ERAL1: variants seen among roughly 807,000 people sequenced by gnomAD.
ERAL1 encodes the protein GTPase Era, mitochondrial.
In ERAL1, 36 loss-of-function variants were observed where a neutral mutation model predicts 53.6. The ratio of observed to expected loss-of-function variants is 0.67; its 90% CI spans 0.51 to 0.89. ERAL1 has a LOEUF of 0.89. ERAL1 is among the 40% of genes least tolerant of loss of function. ERAL1 has a pLI of 0.00. For missense variants in ERAL1, 512 were observed against 537.5 expected (o/e 0.95, Z 0.47); for synonymous variants, 215 against 211.8 (o/e 1.02, Z -0.13).
Position 28,859,079 on chromosome 17 carries a change from A to G in ERAL1, c.1076A>G (p.His359Arg), listed in dbSNP as rs758642332. 6 of 1,614,132 alleles carry G rather than the reference A, an allele frequency of 3.7e-6. No individual in the cohort carries two copies. Among genetic ancestry groups the G allele is most frequent in the Non-Finnish European group, 4.2e-6 (5 of 1,180,026 alleles). The change falls in exon 8 of 10, where the codon CAC becomes CGC. Residue 359 changes from histidine to arginine, a missense_variant. Coordinates refer to ENST00000254928, the MANE Select transcript of ERAL1 (RefSeq NM_005702.4). Reference sequence around the variant, plus strand: ...ATTATCCGAGAGAAGCTCCTAGAACACCTGCCCCAGGAGGTGCCTTACAAT... The same window carrying G: ...ATTATCCGAGAGAAGCTCCTAGAACGCCTGCCCCAGGAGGTGCCTTACAAT... Reference protein sequence around the residue: ...ANIIREKLLEHLPQEVPYNVQ... With the variant: ...ANIIREKLLERLPQEVPYNVQ...
At position 28,860,537 on chromosome 17, in the gene ERAL1, T is replaced by C; in HGVS notation, c.1298T>C (p.Val433Ala). 6.2e-7 allele frequency: 1 copy of C among 1,602,470 alleles called. No individual in the cohort carries two copies. Among genetic ancestry groups the C allele is most frequent in the Non-Finnish European group, 8.5e-7 (1 of 1,175,306 alleles). ...FLCDVDIRLS[V>A]KLLK Reference sequence around the variant, plus strand: ...TGCGATGTTGACATCCGCCTCTCTGTGAAGCTCCTCAAGTGACCACCCTCT... The same window carrying C: ...TGCGATGTTGACATCCGCCTCTCTGCGAAGCTCCTCAAGTGACCACCCTCT... Residue 433 changes from valine to alanine, a missense_variant, in exon 10 of 10, where the codon GTG becomes GCG. Val to Ala is a moderately conservative substitution (Grantham distance 64). Coordinates refer to ENST00000254928, the MANE Select transcript of ERAL1 (RefSeq NM_005702.4).
At chr17:28,857,576 G>C (rs952176146) in intron 3 of ERAL1, among the ~76,000 whole-genome samples, 9 of 151,582 alleles carry the variant, frequency 5.9e-5, no homozygotes, top group South Asian at 4.2e-4. Context: ...GATCACTTGA[G>C]ATCAGGAGTT....
At chr17:28,857,604 A>G (rs1475680738) in intron 3 of ERAL1, among the ~76,000 whole-genome samples, 1 of 151,484 alleles carries the variant, frequency 6.6e-6, no homozygotes, top group African/African-American at 2.4e-5. Context: ...AGCCTGGCCA[A>G]CATGGTGAAA....
intron 2 of ERAL1, 31 bp from the exon 3 acceptor site, chr17:28,856,474 G>T: frequency 6.2e-7 from 1 of 1,613,608 alleles, no homozygotes; most frequent in Non-Finnish European, 8.5e-7. Context: ...AGGGATCTGG[G>T]ACCTCACTGA....
In ERAL1 at chr17:28,858,824, G is replaced by C. The variant is rs553726243; in HGVS notation, c.960G>C (p.Lys320Asn). ...ALSQEDVKTL[K>N]QYLLTQAQPG... Reference sequence around the variant, plus strand: ...GCCAGGAGGACGTGAAAACACTAAAGGTCAGTTAGTCTTGGCCATAGCCTG... The same window carrying C: ...GCCAGGAGGACGTGAAAACACTAAACGTCAGTTAGTCTTGGCCATAGCCTG... The change falls in exon 7 of 10, where the codon AAG becomes AAC. Residue 320 changes from lysine to asparagine, a missense_variant and splice_region_variant. Lys to Asn is a moderately conservative substitution (Grantham distance 94). Transcript: ENST00000254928. The C allele has an allele frequency of 2.4e-5, 38 of 1,614,012 alleles. No homozygotes were observed. The highest frequency in any genetic ancestry group is 3.2e-5 in the Non-Finnish European group (38 of 1,180,010).
chr17:28,860,313 C>T (rs1017759244), intron 9 of ERAL1, 118 bp from the exon 10 acceptor site: 5 of 1,232,778 alleles, frequency 4.1e-6, no homozygotes, highest in South Asian at 4.0e-5. Flanking sequence ...CGCACTGTTA[C>T]CCAGGCTGGA....
Position 28,857,986 on chromosome 17 carries a change from G to A in ERAL1, c.536+1G>A. ...TTATCAGTCCTGGTAAACAGAAGAG[G>A]TAATGGTGGTGGAATTGGGGTGGAT... On this transcript the variant is annotated splice_donor_variant, in intron 4 of 9. Coordinates refer to ENST00000254928, the MANE Select transcript of ERAL1 (RefSeq NM_005702.4). LOFTEE classifies it high-confidence loss of function. 1 of 1,614,102 alleles carries A rather than the reference G, an allele frequency of 6.2e-7. No homozygotes were observed. The highest frequency in any genetic ancestry group is 8.5e-7 in the Non-Finnish European group (1 of 1,180,012).
At chr17:28,856,125 T>C in intron 1 of ERAL1, 139 bp from the exon 2 acceptor site, 1 of 898,144 alleles carries the variant, frequency 1.1e-6, no homozygotes, top group Non-Finnish European at 1.7e-6. Context: ...AGGGCCAAAG[T>C]CTCAAAGTCA....
chr17:28,855,256 C>T lies in ERAL1; in HGVS notation c.222C>T (p.Leu74=), dbSNP rs745680437. 2.5e-6 allele frequency: 4 copies of T among 1,612,882 alleles called. No individual in the cohort carries two copies. Among genetic ancestry groups the T allele is most frequent in the African/African-American group, 1.3e-5 (1 of 75,006 alleles). Residue 74 remains leucine, a synonymous_variant, in exon 1 of 10, where the codon CTC becomes CTT. Transcript: ENST00000254928. Reference sequence around the variant, plus strand: ...AGGGCTCTGCCCTGGACCACTTCCTCGGATTCTCTCAGCCCGACAGTTCGG... The same window carrying T: ...AGGGCTCTGCCCTGGACCACTTCCTTGGATTCTCTCAGCCCGACAGTTCGG... The part of the protein sequence containing the change: ...NGQGSALDHF[L]GFSQPDSSVT...
At chr17:28,856,068 G>A (rs980681646) in intron 1 of ERAL1, among the ~76,000 whole-genome samples, 196 bp from the exon 2 acceptor site, 2 of 152,130 alleles carry the variant, frequency 1.3e-5, no homozygotes, top group Non-Finnish European at 2.9e-5. Context: ...TTACATATGA[G>A]AAAACTAAAG....
intron 1 of ERAL1, among the ~76,000 whole-genome samples, chr17:28,855,794 GAAA>G (rs34299509): frequency 2.8e-5 from 4 of 141,066 alleles, no homozygotes; most frequent in Non-Finnish European, 4.6e-5. Flanking sequence ...CCTCCTTCAG[GAAA>G]AAAAAAAAAA....
intron 9 of ERAL1, among the ~76,000 whole-genome samples, chr17:28,859,827 TA>T (rs1053810326): frequency 1.8e-4 from 27 of 151,770 alleles, no homozygotes; most frequent in Non-Finnish European, 3.5e-4. Context: ...TCCGCTAATT[TA>T]AAAAAATTTT....
At position 28,859,093 on chromosome 17, in the gene ERAL1, G is replaced by A; in HGVS notation, c.1090G>A (p.Val364Met). ...GCTCCTAGAACACCTGCCCCAGGAG[G>A]TGCCTTACAATGTACAGCAGGTACA... Reference protein sequence around the residue: ...EKLLEHLPQEVPYNVQQKTAV... With the variant: ...EKLLEHLPQEMPYNVQQKTAV... The change falls in exon 8 of 10, where the codon GTG becomes ATG. Residue 364 changes from valine to methionine, a missense_variant. Transcript: ENST00000254928. 1 of 1,614,180 alleles carries A rather than the reference G, an allele frequency of 6.2e-7. No homozygotes were observed. The highest frequency in any genetic ancestry group is 2.2e-5 in the East Asian group (1 of 44,886).
chr17:28,855,277 T>G lies in ERAL1; in HGVS notation c.243T>G (p.Ser81Arg), dbSNP rs1179545678. 1.2e-6 allele frequency: 2 copies of G among 1,609,452 alleles called. No individual in the cohort carries two copies. The highest frequency in any genetic ancestry group is 2.7e-5 in the African/African-American group (2 of 74,740). Residue 81 changes from serine to arginine, a missense_variant, in exon 1 of 10, where the codon AGT (serine) becomes AGG (arginine). Ser to Arg is a moderately radical substitution (Grantham distance 110). Transcript: ENST00000254928. Reference protein sequence around the residue: ...DHFLGFSQPDSSVTPCVPAVS... With the variant: ...DHFLGFSQPDRSVTPCVPAVS... Reference sequence around the variant, plus strand: ...TCCTCGGATTCTCTCAGCCCGACAGTTCGGTGACTCCTTGCGTCCCCGCGG... The same window carrying G: ...TCCTCGGATTCTCTCAGCCCGACAGGTCGGTGACTCCTTGCGTCCCCGCGG...
intron 3 of ERAL1, 117 bp from the exon 4 acceptor site, chr17:28,857,822 A>G (rs2039260994): frequency 8.5e-7 from 1 of 1,181,080 alleles, no homozygotes; most frequent in South Asian, 1.3e-5. Context: ...CCTAAAGTCA[A>G]TAATAGTTTG....
chr17:28,856,183 C>T (rs932870872), intron 1 of ERAL1, 81 bp from the exon 2 acceptor site: 7 of 1,574,136 alleles, frequency 4.4e-6, no homozygotes, highest in South Asian at 2.3e-5. Context: ...CCCCTGCTCC[C>T]TTTGTGGGTG....
Position 28,859,228 on chromosome 17 carries a change from C to CAGG in ERAL1, c.1137_1139dup (p.Gly381dup). ...AAGACAGCAGTGTGGGAGGAAGGACCAGGTGGGGAGCTGGTTATCCAACAG... is the reference window on the plus strand; with the variant it reads ...AAGACAGCAGTGTGGGAGGAAGGACCAGGAGGTGGGGAGCTGGTTATCCAACAG... On this transcript the variant is annotated inframe_insertion, in exon 9 of 10. Coordinates refer to ENST00000254928, the MANE Select transcript of ERAL1 (RefSeq NM_005702.4). 1.2e-6 allele frequency: 2 copies of CAGG among 1,614,088 alleles called. No homozygotes were observed. The highest frequency in any genetic ancestry group is 1.7e-6 in the Non-Finnish European group (2 of 1,180,024).
chr17:28,856,233 GT>G, intron 1 of ERAL1, 30 bp from the exon 2 acceptor site: 1 of 1,612,646 alleles, frequency 6.2e-7, no homozygotes, highest in Non-Finnish European at 8.5e-7. Context: ...AGATTCCACT[GT>G]GTCTCATGCT....
At chr17:28,859,395 C>A in intron 9 of ERAL1, 112 bp downstream of exon 9, 1 of 1,056,216 alleles carries the variant, frequency 9.5e-7, no homozygotes, top group Non-Finnish European at 1.4e-6. Flanking sequence ...TTTTCTTCTT[C>A]TTTTCTTTTT....
Sources: allele counts gnomAD v4.1 joint callset (sites outside exome capture counted in the v4.1 genomes callset), GRCh38; gene constraint gnomAD v4.1.1; transcripts MANE v1.5; gene names NCBI Gene and HGNC (gene_info 2026-07-23, HGNC 2026-07-21).